Variants in TLN2 observed in about 807,000 individuals in gnomAD.
TLN2 encodes talin 2.
In TLN2, 118 loss-of-function variants were observed where a neutral mutation model predicts 294.7. The ratio of observed to expected loss-of-function variants is 0.40; its 90% CI spans 0.34 to 0.47. The LOEUF is 0.47. TLN2 is among the 20% of genes least tolerant of loss of function. TLN2 has a pLI of 0.84. For missense variants in TLN2, 3,083 were observed against 3,282.2 expected (o/e 0.94, Z 1.48); for synonymous variants, 1,431 against 1,304.5 (o/e 1.10, Z -2.09).
At chr15:62,728,791 G>A (rs1038758805) in intron 28 of TLN2, among the ~76,000 whole-genome samples, 1 of 152,116 alleles carries the variant, frequency 6.6e-6, no homozygotes. Context: ...TGTATTTCTT[G>A]TATATTGTGA....
At chr15:62,675,374 T>C (rs374304992) in intron 11 of TLN2, 53 bp downstream of exon 11, 5 of 1,582,562 alleles carry the variant, frequency 3.2e-6, no homozygotes, top group East Asian at 2.2e-5. Flanking sequence ...CTTTTTTCTT[T>C]TGTTCAAGCG....
rs537284289 is a variant in TLN2, at chr15:62,722,414, C to T, written c.3053C>T (p.Ala1018Val). The T allele has an allele frequency of 4.3e-6, 7 of 1,613,512 alleles. No homozygotes were observed. Among genetic ancestry groups the T allele is most frequent in the East Asian group, 2.2e-5 (1 of 44,880 alleles). ...AAVPTVSDQA[A>V]AMQLSQCAKN... ...GTGCCCACCGTGAGTGACCAGGCCG[C>T]AGCCATGCAGCTGAGCCAGTGTGCC... The change falls in exon 26 of 59, where the codon GCA becomes GTA. Residue 1018 changes from alanine (A) to valine (V), a missense_variant. By Grantham distance (64) the Ala-to-Val change is moderately conservative (BLOSUM62 0). Coordinates refer to ENST00000636159, the MANE Select transcript of TLN2 (RefSeq NM_015059.3).
chr15:62,826,930 G>C (rs530783387), intron 54 of TLN2, among the ~76,000 whole-genome samples: 27 of 152,212 alleles, frequency 1.8e-4, no homozygotes, highest in Admixed American at 5.9e-4. Context: ...TTTAGTAGCA[G>C]GCATTCTGCA....
intron 3 of TLN2, among the ~76,000 whole-genome samples, chr15:62,641,475 G>A (rs2051091975): frequency 6.6e-6 from 1 of 152,042 alleles, no homozygotes; most frequent in Non-Finnish European, 1.5e-5. Flanking sequence ...AGTTAGCCAG[G>A]CATGGTGGCA....
At position 62,775,447 on chromosome 15, in the gene TLN2, C is replaced by G. The variant is rs190437572; in HGVS notation, c.5368-1317C>G. Among the ~76,000 whole-genome samples the G allele has an allele frequency of 2.4e-3, 371 of 152,304 alleles. 1 individual carries two copies. Among genetic ancestry groups the G allele is most frequent in the African/African-American group, 8.6e-3 (358 of 41,564 alleles). ...AATCAGCTATCAACCCAAATTACCA[C>G]TTTACTTCACTCATCCCAAAGAGAG... On this transcript the variant is annotated intron_variant, in intron 42 of 58. Transcript: ENST00000636159.
chr15:62,810,500 T>C (rs1052554048), intron 52 of TLN2, among the ~76,000 whole-genome samples: 31 of 152,160 alleles, frequency 2.0e-4, no homozygotes, highest in African/African-American at 7.5e-4. Flanking sequence ...ACTTCCATCC[T>C]CGAATGAATG....
intron 1 of TLN2, among the ~76,000 whole-genome samples, chr15:62,455,989 G>GA (rs1161495986): frequency 6.6e-6 from 1 of 151,208 alleles, no homozygotes; most frequent in Non-Finnish European, 1.5e-5. Context: ...CTGCAGTTGC[G>GA]AACCCCAGAA....
At chr15:62,636,510 A>G (rs1297940362) in intron 3 of TLN2, among the ~76,000 whole-genome samples, 1 of 152,172 alleles carries the variant, frequency 6.6e-6, no homozygotes, top group Admixed American at 6.5e-5. Flanking sequence ...GGTCCTTCTG[A>G]TTTATAGTTA....
At chr15:62,502,655 C>T (rs962705721) in intron 1 of TLN2, among the ~76,000 whole-genome samples, 13 of 152,166 alleles carry the variant, frequency 8.5e-5, no homozygotes, top group African/African-American at 3.1e-4. Context: ...ATCATCTGTG[C>T]TTGGCTTCTG....
chr15:62,697,633 A>G (rs1283737438), intron 14 of TLN2, 55 bp from the exon 15 acceptor site: 23 of 1,544,848 alleles, frequency 1.5e-5, no homozygotes, highest in Non-Finnish European at 2.0e-5. Flanking sequence ...GGGTCTCCTC[A>G]TTGCACTCCA....
chr15:62,515,016 C>A (rs913027250), intron 1 of TLN2, among the ~76,000 whole-genome samples: 1 of 152,160 alleles, frequency 6.6e-6, no homozygotes, highest in African/African-American at 2.4e-5. Context: ...ATTAAGAGCA[C>A]GTGAACCTTG....
intron 21 of TLN2, among the ~76,000 whole-genome samples, chr15:62,710,048 T>C (rs1298242126): frequency 1.3e-5 from 2 of 152,256 alleles, no homozygotes; most frequent in Admixed American, 1.3e-4. Flanking sequence ...ACTTTTTTCA[T>C]GTCCACCTGT....
intron 1 of TLN2, among the ~76,000 whole-genome samples, chr15:62,496,480 C>T (rs1220591194): frequency 6.6e-6 from 1 of 151,994 alleles, no homozygotes; most frequent in Non-Finnish European, 1.5e-5. Context: ...GTCTACCTTC[C>T]TCACCCACAC....
At chr15:62,581,240 G>T (rs1000073795) in intron 1 of TLN2, among the ~76,000 whole-genome samples, 18 of 152,106 alleles carry the variant, frequency 1.2e-4, no homozygotes, top group African/African-American at 4.3e-4. Context: ...CATCGAGTTG[G>T]AATTGTATAG....
intron 9 of TLN2, among the ~76,000 whole-genome samples, chr15:62,670,748 A>G (rs1163382868): frequency 1.3e-5 from 2 of 152,212 alleles, no homozygotes; most frequent in Admixed American, 6.5e-5. Flanking sequence ...GGCTATCATT[A>G]ATAATGCTGC....
At chr15:62,747,912 A>G (rs768831710) in intron 32 of TLN2, among the ~76,000 whole-genome samples, 5 of 152,222 alleles carry the variant, frequency 3.3e-5, no homozygotes, top group Non-Finnish European at 7.3e-5. Context: ...ATCATCATAA[A>G]GGTCTTCATC....
chr15:62,840,832 CCCTCATGCCTCA>C lies in TLN2; in HGVS notation c.*225_*236del. ...CTACCCACAACTCCTCTGCCGCCTC[CCCTCATGCCTCA>C]CCGTGTCTCAGGAGAGAGGGGTGCA... On this transcript the variant is annotated 3_prime_UTR_variant, in exon 59 of 59. Coordinates refer to ENST00000636159, the MANE Select transcript of TLN2 (RefSeq NM_015059.3). 3 of 539,598 alleles carry C rather than the reference CCCTCATGCCTCA, an allele frequency of 5.6e-6. No individual in the cohort carries two copies. The highest frequency in any genetic ancestry group is 9.5e-6 in the Non-Finnish European group (3 of 316,158). The allele number at this position is 539,598 out of a possible 1,614,324, so 33.4% of individuals were successfully genotyped here. A position where few individuals can be genotyped will look rare whatever the true frequency, so the allele number is the denominator to read the frequency against.
chr15:62,644,746 C>A, intron 3 of TLN2: 1 of 367,952 alleles, frequency 2.7e-6, no homozygotes, highest in Non-Finnish European at 5.3e-6. Flanking sequence ...CTTCTGCTTC[C>A]TTCTGAGCTC....
chr15:62,399,376 G>A (rs965057978), intron 1 of TLN2, among the ~76,000 whole-genome samples: 11 of 146,796 alleles, frequency 7.5e-5, no homozygotes, highest in African/African-American at 2.5e-4. Flanking sequence ...GAAGGAAAAT[G>A]TGGGGTCGGA....
Sources: allele counts gnomAD v4.1 joint callset (sites outside exome capture counted in the v4.1 genomes callset), GRCh38; gene constraint gnomAD v4.1.1; transcripts MANE v1.5; gene names NCBI Gene and HGNC (gene_info 2026-07-23, HGNC 2026-07-21).